CDH2: variants seen among roughly 807,000 people sequenced by gnomAD.
The protein encoded by CDH2 is cadherin-2.
CDH2 carries 17 observed loss-of-function variants against 92.0 expected under a neutral mutation model. That is an observed-to-expected ratio of 0.18 (90% CI 0.13 to 0.28). The LOEUF is 0.28. CDH2 is among the 10% of genes least tolerant of loss of function. The pLI, the probability that CDH2 is intolerant of heterozygous loss-of-function variation, is 1.00. For missense variants in CDH2, 862 were observed against 1,133.1 expected (o/e 0.76, Z 3.44); for synonymous variants, 419 against 415.9 (o/e 1.01, Z -0.09).
intron 2 of CDH2, among the ~76,000 whole-genome samples, chr18:28,141,392 TCTTTA>T (rs1267179625): frequency 3.3e-5 from 5 of 151,924 alleles, no homozygotes; most frequent in South Asian, 2.1e-4. Context: ...GAGTGTTTTC[TCTTTA>T]CTTTGAAGTG....
chr18:28,119,662 A>T (rs1015571453), intron 2 of CDH2, among the ~76,000 whole-genome samples: 5 of 152,136 alleles, frequency 3.3e-5, no homozygotes, highest in Non-Finnish European at 1.5e-5. Context: ...CCTAGGACTG[A>T]AACTGTAACC....
chr18:28,053,889 C>T (rs1378996229), intron 2 of CDH2, among the ~76,000 whole-genome samples: 2 of 152,116 alleles, frequency 1.3e-5, no homozygotes, highest in Non-Finnish European at 2.9e-5. Context: ...CTCTATCTTT[C>T]TTACGGGCTC....
chr18:27,939,320 A>G (rs1909085051), intron 6 of CDH2, among the ~76,000 whole-genome samples: 1 of 151,988 alleles, frequency 6.6e-6, no homozygotes, highest in Admixed American at 6.6e-5. Context: ...TTCTATTTCA[A>G]TCTGTCACTC....
At chr18:27,980,574 G>C (rs2012014089) in intron 14 of CDH2, among the ~76,000 whole-genome samples, 1 of 152,102 alleles carries the variant, frequency 6.6e-6, no homozygotes, top group Non-Finnish European at 1.5e-5. Context: ...TGTCACAACT[G>C]TCTAGAATGA....
At chr18:27,990,496 G>T in intron 9 of CDH2, 146 bp from the exon 10 acceptor site, 1 of 667,336 alleles carries the variant, frequency 1.5e-6, no homozygotes, top group Non-Finnish European at 2.5e-6. Context: ...TGGAAAACAT[G>T]CATTAGCATG....
intron 2 of CDH2, among the ~76,000 whole-genome samples, chr18:28,046,464 A>C (rs1055661376): frequency 1.3e-5 from 2 of 152,226 alleles, no homozygotes; most frequent in African/African-American, 4.8e-5. Context: ...AAACCCAAAA[A>C]GTAAGAATTT....
chr18:28,003,043 T>A lies in CDH2; in HGVS notation c.974A>T (p.Asn325Ile). ...CACTGTGATGATGTCACCAGTCTCATTGTTGATTGTAAACATGTTGGGTGA... is the reference window on the plus strand; with the variant it reads ...CACTGTGATGATGTCACCAGTCTCAATGTTGATTGTAAACATGTTGGGTGA... ...TPSPNMFTINNETGDIITVAA... is the reference protein window; with the variant it reads ...TPSPNMFTINIETGDIITVAA... The change falls in exon 7 of 16, where the codon AAT becomes ATT. Residue 325 changes from asparagine (N) to isoleucine (I), a missense_variant. Physicochemically the swap from Asn to Ile is moderately radical, Grantham distance 149. Around this residue, in one of 5 missense-constraint regions of CDH2, gnomAD observed 564 missense variants for 722.2 expected, o/e 0.78. Transcript: ENST00000269141. 6.2e-7 allele frequency: 1 copy of A among 1,614,098 alleles called. No homozygotes were observed. The highest frequency in any genetic ancestry group is 8.5e-7 in the Non-Finnish European group (1 of 1,179,976).
intron 14 of CDH2, among the ~76,000 whole-genome samples, chr18:27,982,717 C>A (rs1197652664): frequency 6.6e-6 from 1 of 150,688 alleles, no homozygotes; most frequent in East Asian, 1.9e-4. Context: ...GGGTTTAAAG[C>A]CTTTGAAACA....
chr18:28,159,620 G>A (rs1296204749), intron 1 of CDH2, among the ~76,000 whole-genome samples: 1 of 151,800 alleles, frequency 6.6e-6, no homozygotes, highest in African/African-American at 2.4e-5. Flanking sequence ...TTCTGGCAGT[G>A]GGAAAAGGGT....
chr18:27,963,834 T>C (rs1243740536), intron 14 of CDH2: 2 of 254,410 alleles, frequency 7.9e-6, no homozygotes, highest in Admixed American at 9.7e-5. Context: ...AATATAGTTG[T>C]ACCATACAAG....
At chr18:28,043,124 C>T (rs889084200) in intron 2 of CDH2, among the ~76,000 whole-genome samples, 2 of 151,876 alleles carry the variant, frequency 1.3e-5, no homozygotes, top group Admixed American at 6.6e-5. Context: ...AGTCATAAAA[C>T]GGAACAAAAT....
chr18:28,119,699 A>G (rs552725204), intron 2 of CDH2, among the ~76,000 whole-genome samples: 3 of 152,186 alleles, frequency 2.0e-5, no homozygotes, highest in African/African-American at 2.4e-5. Context: ...CTTCTCCCAC[A>G]GTAATAGATG....
chr18:28,160,814 G>T (rs889059339), intron 1 of CDH2, among the ~76,000 whole-genome samples: 1 of 152,140 alleles, frequency 6.6e-6, no homozygotes, highest in Non-Finnish European at 1.5e-5. Flanking sequence ...CCCAACTGGG[G>T]AGAGGCTCCC....
intron 2 of CDH2, among the ~76,000 whole-genome samples, chr18:28,088,243 G>A (rs567526677): frequency 1.3e-5 from 2 of 152,210 alleles, no homozygotes; most frequent in African/African-American, 4.8e-5. Flanking sequence ...CTTGGGGAAG[G>A]AATATATTGA....
intron 2 of CDH2, among the ~76,000 whole-genome samples, chr18:28,116,829 C>T (rs781410488): frequency 9.1e-4 from 139 of 152,142 alleles, no homozygotes; most frequent in Non-Finnish European, 4.6e-4. Context: ...AAAGAATTAA[C>T]ACTGGCATAC....
intron 2 of CDH2, among the ~76,000 whole-genome samples, chr18:28,119,811 G>A (rs910398050): frequency 6.6e-6 from 1 of 151,976 alleles, no homozygotes; most frequent in African/African-American, 2.4e-5. Flanking sequence ...GGGATACATG[G>A]GTAAGTGATA....
chr18:28,038,930 C>G (rs1346305663), intron 2 of CDH2, among the ~76,000 whole-genome samples: 1 of 152,060 alleles, frequency 6.6e-6, no homozygotes, highest in Non-Finnish European at 1.5e-5. Flanking sequence ...CATTTGAGTA[C>G]CTACTGAATG....
At chr18:28,017,013 TTC>T (rs2013268425) in intron 2 of CDH2, among the ~76,000 whole-genome samples, 1 of 152,160 alleles carries the variant, frequency 6.6e-6, no homozygotes, top group African/African-American at 2.4e-5. Context: ...TGCTATTGTA[TTC>T]TGTTATAGCT....
At chr18:28,139,469 G>A (rs1394109882) in intron 2 of CDH2, among the ~76,000 whole-genome samples, 1 of 151,932 alleles carries the variant, frequency 6.6e-6, no homozygotes, top group Non-Finnish European at 1.5e-5. Context: ...GACTCCACCT[G>A]ACTGTTGAAC....
Sources: allele counts gnomAD v4.1 joint callset (sites outside exome capture counted in the v4.1 genomes callset), GRCh38; gene constraint gnomAD v4.1.1; regional missense constraint gnomAD v4.1.1; transcripts MANE v1.5; gene names NCBI Gene and HGNC (gene_info 2026-07-23, HGNC 2026-07-21).